The following NFU1 variants were observed in gnomAD, a reference collection of about 807,000 sequenced individuals.
NFU1 encodes NFU1 iron-sulfur cluster scaffold homolog, mitochondrial.
In NFU1, 30 loss-of-function variants were observed where a neutral mutation model predicts 32.2. The observed-to-expected ratio is 0.93, with a 90% CI of 0.70 to 1.26. The LOEUF (loss-of-function observed/expected upper bound fraction) is 1.26, where lower values mean the gene tolerates loss of function less well. NFU1 is among the 50% of genes most tolerant of loss of function. The pLI is 0.00. For synonymous variants in NFU1, 112 were observed against 104.6 expected (o/e 1.07, Z -0.43); for missense variants, 306 against 306.6 (o/e 1.00, Z 0.02).
chr2:69,396,122 T>C (rs1344541974), downstream of NFU1: 1 of 787,694 alleles, frequency 1.3e-6, no homozygotes, highest in Non-Finnish European at 2.1e-6. Flanking sequence ...ATGCAATATT[T>C]ATATATCATT....
At chr2:69,406,930 C>A (rs931726044) in intron 5 of NFU1, among the ~76,000 whole-genome samples, 1 of 152,076 alleles carries the variant, frequency 6.6e-6, no homozygotes, top group African/African-American at 2.4e-5. Context: ...TGAGTTCTCA[C>A]GAGATCTGAT....
intron 1 of NFU1, among the ~76,000 whole-genome samples, chr2:69,433,681 G>A (rs1297091816): frequency 6.6e-6 from 1 of 152,116 alleles, no homozygotes; most frequent in Non-Finnish European, 1.5e-5. Context: ...TCACCACGTT[G>A]GCCAGGCTGA....
chr2:69,431,455 G>A (rs1024188942), intron 2 of NFU1, among the ~76,000 whole-genome samples: 7 of 152,048 alleles, frequency 4.6e-5, no homozygotes, highest in African/African-American at 1.4e-4. Context: ...ACACGTGTGC[G>A]CCACCATGCC....
intron 2 of NFU1, among the ~76,000 whole-genome samples, chr2:69,429,030 A>C (rs554965761): frequency 6.6e-6 from 1 of 152,200 alleles, no homozygotes. Context: ...AAAATGAAAA[A>C]ATAGCCGCAA....
Position 69,415,269 on chromosome 2 carries a change from T to C in NFU1, c.400A>G (p.Lys134Glu). 6.2e-7 allele frequency: 1 copy of C among 1,611,088 alleles called. No homozygotes were observed. The highest frequency in any genetic ancestry group is 8.5e-7 in the Non-Finnish European group (1 of 1,177,418). ...ATGATTGTTGCATAAATATCTGGTTTCAGTAAATTCCAGTCTAATTCTTCA... is the reference window on the plus strand; with the variant it reads ...ATGATTGTTGCATAAATATCTGGTTCCAGTAAATTCCAGTCTAATTCTTCA... The part of the protein sequence containing the change: ...ENEELDWNLL[K>E]PDIYATIMDF... Residue 134 changes from lysine to glutamate, a missense_variant, in exon 5 of 8, where the codon AAA becomes GAA. Transcript: ENST00000410022.
chr2:69,408,094 T>C (rs1672758995), intron 5 of NFU1, among the ~76,000 whole-genome samples: 2 of 151,892 alleles, frequency 1.3e-5, no homozygotes, highest in Non-Finnish European at 2.9e-5. Context: ...CTGTCTTAGA[T>C]CAATAAACCT....
chr2:69,425,590 C>T (rs928548509), intron 2 of NFU1, among the ~76,000 whole-genome samples: 7 of 151,578 alleles, frequency 4.6e-5, no homozygotes, highest in Admixed American at 2.0e-4. Flanking sequence ...CCTGACCTCA[C>T]GTGATCCACC....
intron 5 of NFU1, among the ~76,000 whole-genome samples, chr2:69,411,879 C>T (rs1355989512): frequency 6.6e-6 from 1 of 152,048 alleles, no homozygotes; most frequent in Non-Finnish European, 1.5e-5. Flanking sequence ...AGGTGTGGGG[C>T]GTGGTGTCCA....
chr2:69,416,480 AAAG>A (rs1673059088), intron 4 of NFU1, among the ~76,000 whole-genome samples: 1 of 151,246 alleles, frequency 6.6e-6, no homozygotes, highest in Non-Finnish European at 1.5e-5. Context: ...TTCTGTCTTT[AAAG>A]AAGATGATAA....
At chr2:69,437,323 G>A (rs780821653) in intron 1 of NFU1, 38 bp downstream of exon 1, 3 of 1,590,830 alleles carry the variant, frequency 1.9e-6, no homozygotes, top group Admixed American at 1.8e-5. Context: ...GCTAAGCCCA[G>A]CGGCACACCT....
At chr2:69,404,615 A>ATATT (rs1426118283) in intron 6 of NFU1, among the ~76,000 whole-genome samples, 32 of 73,008 alleles carry the variant, frequency 4.4e-4, no homozygotes, top group Middle Eastern at 0.014. Context: ...ATCTTAGCAA[A>ATATT]TTTTTTTTTT....
intron 1 of NFU1, among the ~76,000 whole-genome samples, chr2:69,436,535 G>A (rs541118907): frequency 1.3e-5 from 2 of 152,158 alleles, no homozygotes; most frequent in African/African-American, 2.4e-5. Context: ...AAGTAAGAGT[G>A]GATTACATTA....
chr2:69,423,672 C>T lies in NFU1; in HGVS notation c.212G>A (p.Ser71Asn). ...IQTQDTPNPN[S>N]LKFIPGKPVL... ...TGGTTTTCCTGGTATAAACTTTAAG[C>T]TGTTTGGATTTGGGGTATCTTGTGT... is the stretch of plus-strand genomic sequence containing the variant. Residue 71 changes from serine to asparagine, a missense_variant, in exon 3 of 8, where the codon AGC (serine) becomes AAC (asparagine). Transcript: ENST00000410022. 6.2e-7 allele frequency: 1 copy of T among 1,610,174 alleles called. No individual in the cohort carries two copies. Among genetic ancestry groups the T allele is most frequent in the Non-Finnish European group, 8.5e-7 (1 of 1,176,552 alleles).
chr2:69,405,474 G>C (rs1672666158), intron 6 of NFU1, among the ~76,000 whole-genome samples: 1 of 152,200 alleles, frequency 6.6e-6, no homozygotes, highest in Admixed American at 6.5e-5. Flanking sequence ...AAAACTCAGT[G>C]AGCTTCCCTT....
chr2:69,419,757 C>T (rs1478243449), intron 3 of NFU1, among the ~76,000 whole-genome samples, 153 bp from the exon 4 acceptor site: 2 of 152,186 alleles, frequency 1.3e-5, no homozygotes, highest in Non-Finnish European at 2.9e-5. Context: ...TATATTCCTA[C>T]TCTACGATTT....
chr2:69,397,078 A>G (rs1260026391), intron 7 of NFU1, among the ~76,000 whole-genome samples: 2 of 152,170 alleles, frequency 1.3e-5, no homozygotes, highest in Non-Finnish European at 2.9e-5. Context: ...CGTCTCAAAA[A>G]AAAAAAAACA....
chr2:69,437,378 G>T lies in NFU1; in HGVS notation c.45C>A (p.Ala15=). The T allele has an allele frequency of 6.2e-7, 1 of 1,608,790 alleles. No homozygotes were observed. The highest frequency in any genetic ancestry group is 2.2e-5 in the East Asian group (1 of 44,790). Residue 15 remains alanine, a synonymous_variant, in exon 1 of 8, where the codon GCC becomes GCA. Coordinates refer to ENST00000410022, the MANE Select transcript of NFU1 (RefSeq NM_001002755.4). The part of the protein sequence containing the change: ...ARRGWGAAAV[A]AGLRRRFCHM... ...TCACCTACCGCCTGCGCAGCCCGGC[G>T]GCAACAGCCGCAGCTCCCCAGCCCC...
intron 4 of NFU1, among the ~76,000 whole-genome samples, chr2:69,415,883 T>C (rs1027674582): frequency 2.0e-5 from 3 of 152,124 alleles, no homozygotes; most frequent in African/African-American, 7.2e-5. Flanking sequence ...TCCCAACATT[T>C]TGGGAAGCTG....
chr2:69,439,423 C>T (rs967498840), upstream of NFU1, among the ~76,000 whole-genome samples: 1 of 152,176 alleles, frequency 6.6e-6, no homozygotes, highest in Non-Finnish European at 1.5e-5. Context: ...TCACTGACTT[C>T]AGGAGTGAAG....
Sources: gnomAD v4.1 joint callset for allele counts (sites outside exome capture counted in the v4.1 genomes callset) on GRCh38, gnomAD v4.1.1 for gene constraint, MANE v1.5 for transcripts, NCBI Gene and HGNC (gene_info 2026-07-23, HGNC 2026-07-21) for gene names.